Variants in HDAC8 observed in about 807,000 individuals in gnomAD.
HDAC8 encodes the protein histone deacetylase-like 1.
HDAC8 carries 1 observed loss-of-function variant against 32.2 expected under a neutral mutation model. The observed-to-expected ratio is 0.03, with a 90% CI of 0.01 to 0.15. The LOEUF (loss-of-function observed/expected upper bound fraction) is 0.15. Among genes scored for constraint, HDAC8 ranks in the 10% least tolerant of loss-of-function variants. The probability of loss-of-function intolerance (pLI) is 1.00; values close to 1 mark genes in which losing one functional copy is unlikely to be tolerated. For synonymous variants in HDAC8, 108 were observed against 113.9 expected (o/e 0.95, Z 0.33); for missense variants, 117 against 300.0 (o/e 0.39, Z 4.51).
intron 8 of HDAC8, among the ~76,000 whole-genome samples, chrX:72,463,244 G>T (rs1254856347): frequency 8.9e-6 from 1 of 111,975 alleles, no homozygotes; most frequent in East Asian, 2.8e-4. Flanking sequence ...TCAAAAAAAG[G>T]TCACTATAGG....
At chrX:72,379,441 C>G (rs1300022845) in intron 9 of HDAC8, among the ~76,000 whole-genome samples, 2 of 108,164 alleles carry the variant, frequency 1.8e-5, no homozygotes, top group Non-Finnish European at 3.8e-5. Flanking sequence ...CAAATTCTCC[C>G]TCTCCCCAGA....
chrX:72,390,454 T>A (rs1439483581), intron 9 of HDAC8, among the ~76,000 whole-genome samples: 2 of 112,347 alleles, frequency 1.8e-5, no homozygotes, highest in Non-Finnish European at 3.8e-5. Flanking sequence ...ATATAAGAAA[T>A]TGTTGTTAAT....
At chrX:72,393,153 T>C (rs1338831248) in intron 9 of HDAC8, among the ~76,000 whole-genome samples, 3 of 111,995 alleles carry the variant, frequency 2.7e-5, no homozygotes, top group African/African-American at 9.7e-5. Flanking sequence ...TTAGTATAAT[T>C]TGAGCAGTAA....
intron 1 of HDAC8, 143 bp downstream of exon 1, chrX:72,572,508 A>C: frequency 2.2e-6 from 1 of 461,648 alleles, no homozygotes; most frequent in Non-Finnish European, 3.7e-6. Context: ...CTTCTGATAC[A>C]GCTTTAGGTA....
At chrX:72,540,416 C>T (rs1399426785) in intron 4 of HDAC8, among the ~76,000 whole-genome samples, 1 of 112,050 alleles carries the variant, frequency 8.9e-6, no homozygotes, top group Non-Finnish European at 1.9e-5. Context: ...CCTGATGAAA[C>T]AGTTTAGATG....
intron 9 of HDAC8, among the ~76,000 whole-genome samples, chrX:72,455,532 T>C (rs782390289): frequency 1.2e-4 from 13 of 112,069 alleles, no homozygotes; most frequent in Non-Finnish European, 2.1e-4. Flanking sequence ...GGATAAGGCA[T>C]GATTAAATAC....
At chrX:72,333,640 G>A (rs1246574360) in intron 10 of HDAC8, among the ~76,000 whole-genome samples, 15 of 103,936 alleles carry the variant, frequency 1.4e-4, no homozygotes, top group East Asian at 6.1e-4. Flanking sequence ...GTAGTGAGCC[G>A]AGATGGTGCC....
At chrX:72,354,615 G>A (rs2044276441) in intron 9 of HDAC8, among the ~76,000 whole-genome samples, 1 of 112,115 alleles carries the variant, frequency 8.9e-6, no homozygotes. Context: ...TAGAGTTGGG[G>A]GAGCTAGATT....
At chrX:72,499,804 T>C (rs2049146580) in intron 4 of HDAC8, among the ~76,000 whole-genome samples, 1 of 111,223 alleles carries the variant, frequency 9.0e-6, no homozygotes. Context: ...TGAAGGAAAT[T>C]GAGACATGAA....
At chrX:72,541,324 G>A (rs1394830390) in intron 4 of HDAC8, among the ~76,000 whole-genome samples, 1 of 111,902 alleles carries the variant, frequency 8.9e-6, no homozygotes, top group Non-Finnish European at 1.9e-5. Flanking sequence ...GTGGGAACAT[G>A]CCTGGTATGT....
intron 9 of HDAC8, among the ~76,000 whole-genome samples, chrX:72,364,297 T>C (rs2044636610): frequency 1.8e-5 from 2 of 111,268 alleles, no homozygotes; most frequent in African/African-American, 6.5e-5. Flanking sequence ...GAAATGTAGG[T>C]GCCCTCAGGT....
chrX:72,471,940 T>C (rs1413555567), intron 7 of HDAC8, among the ~76,000 whole-genome samples: 2 of 112,283 alleles, frequency 1.8e-5, no homozygotes, highest in Non-Finnish European at 3.8e-5. Context: ...ATCATGAAAA[T>C]TTACATCTAT....
At chrX:72,500,372 A>C (rs2049170100) in intron 4 of HDAC8, among the ~76,000 whole-genome samples, 1 of 111,713 alleles carries the variant, frequency 9.0e-6, no homozygotes, top group Admixed American at 9.6e-5. Context: ...TAATGCAAAA[A>C]TCCTCAACAA....
intron 9 of HDAC8, among the ~76,000 whole-genome samples, chrX:72,361,465 C>G (rs1555952511): frequency 9.0e-6 from 1 of 111,420 alleles, no homozygotes; most frequent in Admixed American, 9.6e-5. Context: ...TCATAGCTCA[C>G]TGTAACTTGA....
intron 9 of HDAC8, among the ~76,000 whole-genome samples, chrX:72,388,345 C>T (rs782342220): frequency 1.8e-5 from 2 of 109,502 alleles, no homozygotes; most frequent in Non-Finnish European, 3.8e-5. Flanking sequence ...TCCCCCAAGT[C>T]CCACCCCACA....
At chrX:72,567,437 A>G (rs2051838530) in intron 4 of HDAC8, 1 of 216,356 alleles carries the variant, frequency 4.6e-6, no homozygotes, top group Middle Eastern at 1.6e-3. Flanking sequence ...CTTTCTACTG[A>G]TAAGTCTCTT....
chrX:72,391,219 G>A (rs782496705), intron 9 of HDAC8, among the ~76,000 whole-genome samples: 5 of 112,067 alleles, frequency 4.5e-5, no homozygotes, highest in Non-Finnish European at 9.4e-5. Context: ...AGGAATCTGT[G>A]TTACTGAGGA....
intron 7 of HDAC8, chrX:72,473,973 A>G: frequency 1.5e-6 from 1 of 651,845 alleles, no homozygotes; most frequent in Non-Finnish European, 1.8e-6. Context: ...CCAAACTAAA[A>G]CCACTGCTAT....
At chrX:72,366,325 C>A (rs2044696506) in intron 9 of HDAC8, among the ~76,000 whole-genome samples, 1 of 112,294 alleles carries the variant, frequency 8.9e-6, no homozygotes, top group Admixed American at 9.4e-5. Flanking sequence ...CCTTATCGCA[C>A]ACCACGACCT....
Sources: allele counts gnomAD v4.1 joint callset (sites outside exome capture counted in the v4.1 genomes callset), GRCh38; gene constraint gnomAD v4.1.1; transcripts MANE v1.5; gene names NCBI Gene and HGNC (gene_info 2026-07-23, HGNC 2026-07-21).